The following SLC44A5 variants were observed in gnomAD, a reference collection of about 807,000 sequenced individuals.
The protein encoded by SLC44A5 is solute carrier family 44 member 5.
SLC44A5 carries 57 observed loss-of-function variants against 101.8 expected under a neutral mutation model. The observed-to-expected ratio is 0.56, with a 90% CI of 0.45 to 0.70. The LOEUF (loss-of-function observed/expected upper bound fraction) is 0.70. SLC44A5 is among the 30% of genes least tolerant of loss of function. SLC44A5 has a pLI of 0.00. For missense variants in SLC44A5, 737 were observed against 853.1 expected, an observed-to-expected ratio of 0.86 and a Z score of 1.70; for synonymous variants, 281 against 290.9, an observed-to-expected ratio of 0.97 and a Z score of 0.35.
At chr1:75,543,209 G>C (rs1671447779) in intron 1 of SLC44A5, among the ~76,000 whole-genome samples, 1 of 151,926 alleles carries the variant, frequency 6.6e-6, no homozygotes, top group African/African-American at 2.4e-5. Context: ...CTTTTGTGTT[G>C]TTACAAGCTG....
chr1:75,668,755 G>A, the SLC44A5 span, among the ~76,000 whole-genome samples: 1 of 151,610 alleles, frequency 6.6e-6, no homozygotes, highest in Non-Finnish European at 1.5e-5. Context: ...AGCACTTTGG[G>A]AGGCTGAGGC....
intron 2 of SLC44A5, among the ~76,000 whole-genome samples, chr1:75,526,554 C>T (rs1026097524): frequency 1.3e-5 from 2 of 152,126 alleles, no homozygotes; most frequent in African/African-American, 4.8e-5. Flanking sequence ...ACAAGAAATA[C>T]ATGTCTGTTG....
At chr1:75,452,354 G>A (rs1256412991) in intron 2 of SLC44A5, among the ~76,000 whole-genome samples, 1 of 151,972 alleles carries the variant, frequency 6.6e-6, no homozygotes, top group Non-Finnish European at 1.5e-5. Flanking sequence ...AAGCACTAAG[G>A]GAATTTGCTA....
At chr1:75,713,556 G>A in the SLC44A5 span, among the ~76,000 whole-genome samples, 3 of 152,146 alleles carry the variant, frequency 2.0e-5, no homozygotes, top group Admixed American at 6.6e-5. Context: ...ATATGCCCAT[G>A]GGTTAGGGAG....
intron 19 of SLC44A5, among the ~76,000 whole-genome samples, chr1:75,215,384 T>G (rs1323721912): frequency 6.6e-6 from 1 of 152,130 alleles, no homozygotes; most frequent in African/African-American, 2.4e-5. Context: ...TTCTTTAAAA[T>G]TATGTAAATT....
chr1:75,507,493 G>A (rs1313889072), intron 2 of SLC44A5, among the ~76,000 whole-genome samples: 1 of 152,082 alleles, frequency 6.6e-6, no homozygotes, highest in African/African-American at 2.4e-5. Flanking sequence ...TTTATTAGGG[G>A]TACTGACCTG....
chr1:75,430,110 A>C (rs1310581171), intron 2 of SLC44A5, among the ~76,000 whole-genome samples: 2 of 152,168 alleles, frequency 1.3e-5, no homozygotes, highest in Non-Finnish European at 2.9e-5. Flanking sequence ...CTTAATCCTC[A>C]GTGCAGCAGT....
At position 75,334,733 on chromosome 1, in the gene SLC44A5, T is replaced by C. The variant is rs539725955; in HGVS notation, c.101+4849A>G. ...TCAAGTAGAAAGTCAGAAATATAAA[T>C]ATATTTCTGAGGCTTTTTGAAATAC... On this transcript the variant is annotated intron_variant, in intron 4 of 23. Transcript: ENST00000370859. Among the ~76,000 whole-genome samples the C allele has an allele frequency of 2.6e-5, 4 of 152,258 alleles. No individual in the cohort carries two copies. The East Asian group carries it at 7.7e-4, about 29-fold the overall frequency.
At chr1:75,402,221 T>A (rs1297817683) in intron 2 of SLC44A5, among the ~76,000 whole-genome samples, 2 of 152,232 alleles carry the variant, frequency 1.3e-5, no homozygotes, top group Admixed American at 1.3e-4. Context: ...GTTTTCTGTA[T>A]AGTCACAGGG....
At position 75,202,320 on chromosome 1, in the gene SLC44A5, A is replaced by C. The variant is rs1458433440; in HGVS notation, c.*1407T>G. On this transcript the variant is annotated 3_prime_UTR_variant, in exon 24 of 24. Transcript: ENST00000370859. ...CTCATGTGAGTTTATTTTTGGCATA[A>C]AAGTATCTAAAGTCACATTTAAACA... 1 of 152,186 alleles carries C rather than the reference A, an allele frequency of 6.6e-6. No individual in the cohort carries two copies. The highest frequency in any genetic ancestry group is 2.4e-5 in the African/African-American group (1 of 41,462). 9.4% of individuals were successfully genotyped at this position (152,186 alleles called of 1,614,324 possible).
intron 3 of SLC44A5, among the ~76,000 whole-genome samples, chr1:75,352,774 G>A (rs934730963): frequency 2.0e-5 from 3 of 152,072 alleles, no homozygotes; most frequent in Non-Finnish European, 2.9e-5. Flanking sequence ...CCCATACTAC[G>A]TGTATGTGCA....
chr1:75,566,796 A>G (rs1399784807), intron 1 of SLC44A5, among the ~76,000 whole-genome samples: 2 of 152,210 alleles, frequency 1.3e-5, no homozygotes, highest in Non-Finnish European at 2.9e-5. Flanking sequence ...ATAACACCTT[A>G]TGTTTATTTA....
chr1:75,540,047 A>G (rs1005651074), intron 2 of SLC44A5, among the ~76,000 whole-genome samples: 7 of 84,362 alleles, frequency 8.3e-5, no homozygotes, highest in African/African-American at 1.4e-4. Context: ...TTCAGCTCAC[A>G]TAAGCCAATC....
intron 1 of SLC44A5, among the ~76,000 whole-genome samples, chr1:75,587,265 C>T (rs1014971398): frequency 1.3e-5 from 2 of 152,086 alleles, no homozygotes; most frequent in African/African-American, 4.8e-5. Context: ...CTCCCATCAC[C>T]CTCCTAAACA....
At chr1:75,293,359 T>C (rs1165865875) in intron 5 of SLC44A5, among the ~76,000 whole-genome samples, 1 of 152,214 alleles carries the variant, frequency 6.6e-6, no homozygotes, top group Non-Finnish European at 1.5e-5. Context: ...GGAGAAAATG[T>C]GATTAGACCA....
At chr1:75,642,006 C>T in the SLC44A5 span, 1 of 1,475,234 alleles carries the variant, frequency 6.8e-7, no homozygotes, top group Non-Finnish European at 9.4e-7. Flanking sequence ...TCTTCATCTG[C>T]ATGGTGGAAG....
intron 6 of SLC44A5, among the ~76,000 whole-genome samples, chr1:75,271,094 G>A (rs1393056925): frequency 6.6e-6 from 1 of 151,954 alleles, no homozygotes; most frequent in Non-Finnish European, 1.5e-5. Context: ...TTACCTCCCT[G>A]GATCAAAATT....
intron 6 of SLC44A5, among the ~76,000 whole-genome samples, chr1:75,265,425 G>T (rs1650903961): frequency 6.6e-6 from 1 of 152,128 alleles, no homozygotes; most frequent in South Asian, 2.1e-4. Context: ...GTGAAGAGAG[G>T]CTGGTTAATG....
chr1:75,602,069 T>C (rs545788592), intron 1 of SLC44A5, among the ~76,000 whole-genome samples: 2 of 152,322 alleles, frequency 1.3e-5, no homozygotes, highest in South Asian at 4.1e-4. Context: ...CTTTAGTAAA[T>C]GATTATTTCT....
Sources: allele counts gnomAD v4.1 joint callset (sites outside exome capture counted in the v4.1 genomes callset), GRCh38; gene constraint gnomAD v4.1.1; transcripts MANE v1.5; gene names NCBI Gene and HGNC (gene_info 2026-07-23, HGNC 2026-07-21).